Variants in KCNH1 observed in about 807,000 individuals in gnomAD.
KCNH1 encodes voltage-gated delayed rectifier potassium channel KCNH1.
In KCNH1, 27 loss-of-function variants were observed where a neutral mutation model predicts 69.2. The ratio of observed to expected loss-of-function variants is 0.39; its 90% CI spans 0.29 to 0.54. The LOEUF is 0.54. Ranked by LOEUF, KCNH1 falls within the 20% of genes least tolerant of loss-of-function variation. The pLI is 0.68. For synonymous variants in KCNH1, 456 were observed against 487.7 expected, an observed-to-expected ratio of 0.93 and a Z score of 0.86; for missense variants, 798 against 1,261.6, an observed-to-expected ratio of 0.63 and a Z score of 5.57.
At chr1:210,997,602 A>T (rs1689076762) in intron 6 of KCNH1, among the ~76,000 whole-genome samples, 2 of 152,240 alleles carry the variant, frequency 1.3e-5, no homozygotes, top group Admixed American at 1.3e-4. Context: ...GATATTATCC[A>T]GGAGAACTTC....
intron 5 of KCNH1, among the ~76,000 whole-genome samples, chr1:211,055,434 C>T (rs1690286465): frequency 6.6e-6 from 1 of 152,222 alleles, no homozygotes; most frequent in African/African-American, 2.4e-5. Flanking sequence ...AGCCATGCCA[C>T]TGCAAGCCAA....
intron 6 of KCNH1, among the ~76,000 whole-genome samples, chr1:210,923,993 A>C (rs1413747790): frequency 6.6e-6 from 1 of 152,246 alleles, no homozygotes; most frequent in Non-Finnish European, 1.5e-5. Flanking sequence ...TAAGAAGAGA[A>C]GAGATGGATA....
chr1:210,772,600 G>C (rs955356766), intron 10 of KCNH1, among the ~76,000 whole-genome samples: 12 of 150,938 alleles, frequency 8.0e-5, no homozygotes, highest in Non-Finnish European at 1.2e-4. Flanking sequence ...CTCATATATA[G>C]TCACTTAGAG....
At chr1:211,045,976 T>A (rs746396845) in intron 5 of KCNH1, among the ~76,000 whole-genome samples, 5 of 152,202 alleles carry the variant, frequency 3.3e-5, no homozygotes, top group African/African-American at 1.2e-4. Context: ...TAGCATAACG[T>A]CCTCCAGTTT....
intron 1 of KCNH1, among the ~76,000 whole-genome samples, chr1:211,109,911 G>C (rs1174012146): frequency 6.6e-6 from 1 of 151,106 alleles, no homozygotes; most frequent in African/African-American, 2.4e-5. Context: ...AAAAAATAAG[G>C]GAACAAGAAC....
intron 3 of KCNH1, among the ~76,000 whole-genome samples, chr1:211,095,176 C>T (rs1264548759): frequency 6.6e-6 from 1 of 152,152 alleles, no homozygotes; most frequent in East Asian, 1.9e-4. Context: ...CACAGAAAAT[C>T]AGGAAGAAGT....
intron 6 of KCNH1, among the ~76,000 whole-genome samples, chr1:210,987,284 G>A (rs1274911917): frequency 2.6e-5 from 4 of 152,176 alleles, no homozygotes; most frequent in East Asian, 3.9e-4. Context: ...CTCTCAACTC[G>A]TCAAAGCCAT....
At chr1:210,911,616 A>C (rs557950647) in intron 7 of KCNH1, among the ~76,000 whole-genome samples, 1 of 148,892 alleles carries the variant, frequency 6.7e-6, no homozygotes, top group African/African-American at 2.5e-5. Flanking sequence ...ACTAAAAATA[A>C]AGTTATTTTC....
chr1:210,874,879 G>A (rs1160109137), intron 7 of KCNH1, among the ~76,000 whole-genome samples: 3 of 152,066 alleles, frequency 2.0e-5, no homozygotes, highest in Non-Finnish European at 2.9e-5. Flanking sequence ...TCAGGGTTAC[G>A]TATATCTCCA....
At chr1:211,121,910 C>T (rs187030618) in intron 1 of KCNH1, among the ~76,000 whole-genome samples, 2,254 of 152,218 alleles carry the variant, frequency 0.015, 59 homozygotes, top group African/African-American at 0.052. Flanking sequence ...CCCAGGTGGG[C>T]GGATCACGAG....
At chr1:210,835,409 A>G (rs1685261004) in intron 7 of KCNH1, among the ~76,000 whole-genome samples, 1 of 152,358 alleles carries the variant, frequency 6.6e-6, no homozygotes, top group Middle Eastern at 3.4e-3. Context: ...GATTCAAGGG[A>G]AACATTACCT....
intron 5 of KCNH1, among the ~76,000 whole-genome samples, chr1:211,030,871 T>C (rs1689770623): frequency 6.6e-6 from 1 of 151,948 alleles, no homozygotes. Flanking sequence ...CTAGAATATA[T>C]AATCTATAAT....
chr1:210,866,795 G>A (rs1427351600), intron 7 of KCNH1, among the ~76,000 whole-genome samples: 7 of 151,998 alleles, frequency 4.6e-5, no homozygotes, highest in African/African-American at 7.2e-5. Flanking sequence ...ATGAAAACTT[G>A]TACATGAATG....
At chr1:210,987,220 G>T (rs1308900185) in intron 6 of KCNH1, among the ~76,000 whole-genome samples, 1 of 152,010 alleles carries the variant, frequency 6.6e-6, no homozygotes, top group Non-Finnish European at 1.5e-5. Flanking sequence ...TCTTTGCCGT[G>T]GGTTTGAACT....
intron 6 of KCNH1, among the ~76,000 whole-genome samples, chr1:211,003,421 T>C (rs1023233007): frequency 2.0e-5 from 3 of 152,234 alleles, no homozygotes; most frequent in African/African-American, 7.2e-5. Context: ...TCTCTGCTTC[T>C]AGCTATTAGT....
At chr1:210,741,683 T>C (rs948128302) in intron 10 of KCNH1, among the ~76,000 whole-genome samples, 3 of 152,154 alleles carry the variant, frequency 2.0e-5, no homozygotes, top group Non-Finnish European at 2.9e-5. Flanking sequence ...GCCCACAGAA[T>C]GTGCCTCCCA....
intron 6 of KCNH1, among the ~76,000 whole-genome samples, chr1:210,991,750 A>G (rs1264038317): frequency 6.6e-6 from 1 of 152,180 alleles, no homozygotes; most frequent in East Asian, 1.9e-4. Flanking sequence ...ACAGATAATT[A>G]TTTGTCAATA....
chr1:210,709,906 G>A (rs907252480), intron 10 of KCNH1, among the ~76,000 whole-genome samples: 7 of 152,204 alleles, frequency 4.6e-5, no homozygotes, highest in African/African-American at 1.7e-4. Flanking sequence ...ACAATGTGAT[G>A]TACATTGCAC....
intron 7 of KCNH1, chr1:210,861,961 T>A: frequency 1.3e-6 from 1 of 756,994 alleles, no homozygotes; most frequent in South Asian, 1.4e-5. Flanking sequence ...TGTAGTAAGC[T>A]GTACCCTGAT....
Sources: allele counts gnomAD v4.1 joint callset (sites outside exome capture counted in the v4.1 genomes callset), GRCh38; gene constraint gnomAD v4.1.1; transcripts MANE v1.5; gene names NCBI Gene and HGNC (gene_info 2026-07-23, HGNC 2026-07-21).